The following COX7B2 variants were observed in gnomAD, a reference collection of about 807,000 sequenced individuals.
The protein encoded by COX7B2 is cytochrome c oxidase subunit 7B2, mitochondrial.
For missense variants in COX7B2, 109 were observed against 95.9 expected (o/e 1.14, Z -0.57); for synonymous variants, 37 against 32.1 (o/e 1.15, Z -0.51).
intron 1 of COX7B2, among the ~76,000 whole-genome samples, chr4:46,853,868 T>C (rs1041599334): frequency 1.3e-5 from 2 of 152,158 alleles, no homozygotes; most frequent in South Asian, 2.1e-4. Context: ...TCCATTTCAA[T>C]TGTGGAACTT....
chr4:46,855,330 A>G, intron 1 of COX7B2, among the ~76,000 whole-genome samples: 1 of 152,176 alleles, frequency 6.6e-6, no homozygotes, highest in Non-Finnish European at 1.5e-5. Context: ...AAATATTTAT[A>G]TATTATTTAT....
At chr4:46,752,280 CTT>C (rs1359767941) in intron 2 of COX7B2, among the ~76,000 whole-genome samples, 2 of 151,432 alleles carry the variant, frequency 1.3e-5, no homozygotes, top group Non-Finnish European at 2.9e-5. Context: ...TATCCTGAGA[CTT>C]TGCTGAAGTT....
chr4:46,899,215 T>C (rs975819556), intron 1 of COX7B2, among the ~76,000 whole-genome samples: 2 of 152,174 alleles, frequency 1.3e-5, no homozygotes, highest in Non-Finnish European at 2.9e-5. Context: ...AAATATACTA[T>C]ATTATACTGT....
chr4:46,841,796 A>G (rs1010955396), intron 2 of COX7B2, among the ~76,000 whole-genome samples: 1 of 152,116 alleles, frequency 6.6e-6, no homozygotes, highest in East Asian at 1.9e-4. Flanking sequence ...AAAACTACTT[A>G]CTAATGAAAT....
At chr4:46,853,616 T>C (rs543326952) in intron 1 of COX7B2, among the ~76,000 whole-genome samples, 1 of 152,180 alleles carries the variant, frequency 6.6e-6, no homozygotes, top group African/African-American at 2.4e-5. Context: ...TCTATTCTCT[T>C]TAGTGTGGTT....
intron 2 of COX7B2, among the ~76,000 whole-genome samples, chr4:46,766,543 TA>T (rs562223254): frequency 2.0e-5 from 3 of 149,994 alleles, no homozygotes; most frequent in African/African-American, 4.9e-5. Flanking sequence ...CTACTAAAAA[TA>T]AAAAAAAATT....
intron 2 of COX7B2, among the ~76,000 whole-genome samples, chr4:46,782,300 G>C (rs908102479): frequency 6.6e-6 from 1 of 152,072 alleles, no homozygotes; most frequent in Non-Finnish European, 1.5e-5. Context: ...AAATGCTAAA[G>C]GATTGTAAAC....
intron 1 of COX7B2, among the ~76,000 whole-genome samples, chr4:46,871,264 G>A (rs1717974056): frequency 6.6e-6 from 1 of 152,128 alleles, no homozygotes; most frequent in African/African-American, 2.4e-5. Context: ...TTCAGTAAAT[G>A]GTACTGGGGT....
At chr4:46,749,234 G>A (rs772146688) in intron 2 of COX7B2, among the ~76,000 whole-genome samples, 8 of 151,812 alleles carry the variant, frequency 5.3e-5, no homozygotes, top group African/African-American at 9.7e-5. Flanking sequence ...CAGCTCCCTC[G>A]CAATATATAA....
chr4:46,782,499 A>T (rs1717525907), intron 2 of COX7B2, among the ~76,000 whole-genome samples: 1 of 152,082 alleles, frequency 6.6e-6, no homozygotes, highest in African/African-American at 2.4e-5. Context: ...AAAATGGGCC[A>T]ATCAGCAGGA....
chr4:46,902,868 C>T (rs1255427039), intron 1 of COX7B2, among the ~76,000 whole-genome samples: 1 of 151,936 alleles, frequency 6.6e-6, no homozygotes, highest in Non-Finnish European at 1.5e-5. Context: ...CAGAGGGAGA[C>T]CCTGTCTCAA....
chr4:46,737,730 T>G (rs749585515), intron 2 of COX7B2, among the ~76,000 whole-genome samples: 6 of 152,156 alleles, frequency 3.9e-5, no homozygotes, highest in Non-Finnish European at 7.4e-5. Flanking sequence ...ACACTCTGTC[T>G]TCAGCAATGA....
At position 46,880,994 on chromosome 4, in the gene COX7B2, A is replaced by T. The variant is rs867462134; in HGVS notation, c.-105+28166T>A. 9.5e-4 allele frequency among the ~76,000 whole-genome samples: 71 copies of T among 74,868 alleles called. 1 individual carries two copies. The highest frequency in any genetic ancestry group is 2.7e-3 in the African/African-American group (58 of 21,282). The allele number at this position is 74,868 out of a possible 152,430, so 49.1% of individuals were successfully genotyped here. A position where few individuals can be genotyped will look rare whatever the true frequency, so the allele number is the denominator to read the frequency against. On this transcript the variant is annotated intron_variant, in intron 1 of 2. Coordinates refer to ENST00000355591, the MANE Select transcript of COX7B2 (RefSeq NM_130902.3). ...TGTACCCTAAAACTTAGAGTATAATAAAAAAAAAAAAAAAAAACTCTTGGA... is the reference window on the plus strand; with the variant it reads ...TGTACCCTAAAACTTAGAGTATAATTAAAAAAAAAAAAAAAAACTCTTGGA...
At chr4:46,840,268 C>G (rs947241179) in intron 2 of COX7B2, among the ~76,000 whole-genome samples, 1 of 151,888 alleles carries the variant, frequency 6.6e-6, no homozygotes, top group Admixed American at 6.6e-5. Flanking sequence ...GAAATTCCAT[C>G]GGATTTTTGT....
At chr4:46,890,389 T>C (rs552128435) in intron 1 of COX7B2, among the ~76,000 whole-genome samples, 5 of 152,278 alleles carry the variant, frequency 3.3e-5, no homozygotes, top group East Asian at 1.9e-4. Context: ...TAGAACACAA[T>C]TGATGCTTTA....
At chr4:46,780,488 GC>G (rs1437792532) in intron 2 of COX7B2, among the ~76,000 whole-genome samples, 1 of 152,200 alleles carries the variant, frequency 6.6e-6, no homozygotes, top group Non-Finnish European at 1.5e-5. Context: ...CTGCACTCCA[GC>G]CTGGGTGACA....
At chr4:46,787,963 G>A (rs1234315089) in intron 2 of COX7B2, among the ~76,000 whole-genome samples, 1 of 152,082 alleles carries the variant, frequency 6.6e-6, no homozygotes, top group Non-Finnish European at 1.5e-5. Context: ...GTCTTAACAT[G>A]TATGGCCTCT....
intron 2 of COX7B2, among the ~76,000 whole-genome samples, chr4:46,785,276 C>G (rs1201406341): frequency 6.6e-6 from 1 of 151,712 alleles, no homozygotes; most frequent in Non-Finnish European, 1.5e-5. Context: ...AAACAACTAC[C>G]AAATATTTAA....
intron 2 of COX7B2, among the ~76,000 whole-genome samples, chr4:46,797,840 A>T (rs1221945941): frequency 6.6e-6 from 1 of 152,216 alleles, no homozygotes. Flanking sequence ...ATCCTCTGGT[A>T]GCTGGTATGA....
Sources: allele counts gnomAD v4.1 joint callset (sites outside exome capture counted in the v4.1 genomes callset), GRCh38; gene constraint gnomAD v4.1.1; transcripts MANE v1.5; gene names NCBI Gene and HGNC (gene_info 2026-07-23, HGNC 2026-07-21).